MGAT4A: variants seen among roughly 807,000 people sequenced by gnomAD.
The protein encoded by MGAT4A is alpha-1,3-mannosyl-glycoprotein 4-beta-N-acetylglucosaminyltransferase A.
MGAT4A carries 33 observed loss-of-function variants against 74.1 expected under a neutral mutation model. The ratio of observed to expected loss-of-function variants is 0.45; its 90% confidence interval spans 0.34 to 0.60. The LOEUF (loss-of-function observed/expected upper bound fraction) is 0.60, where lower values mean the gene tolerates loss of function less well. Among genes scored for constraint, MGAT4A ranks in the 20% least tolerant of loss-of-function variants. The pLI, the probability that MGAT4A is intolerant of heterozygous loss-of-function variation, is 0.02. For missense variants in MGAT4A, 479 were observed against 628.3 expected, an observed-to-expected ratio of 0.76 and a Z score of 2.54; for synonymous variants, 198 against 210.4, an observed-to-expected ratio of 0.94 and a Z score of 0.51.
At chr2:98,651,001 G>A (rs1701569749) in intron 8 of MGAT4A, among the ~76,000 whole-genome samples, 1 of 151,816 alleles carries the variant, frequency 6.6e-6, no homozygotes, top group Admixed American at 6.6e-5. Flanking sequence ...CAAGGTGGAG[G>A]TTGCAGTGAG....
intron 2 of MGAT4A, among the ~76,000 whole-genome samples, chr2:98,687,981 G>A (rs1366761468): frequency 6.6e-6 from 1 of 152,130 alleles, no homozygotes; most frequent in Non-Finnish European, 1.5e-5. Flanking sequence ...GTGAGAATGT[G>A]AGCTACAGCC....
At chr2:98,626,540 C>T (rs889249687) in intron 14 of MGAT4A, among the ~76,000 whole-genome samples, 11 of 152,044 alleles carry the variant, frequency 7.2e-5, no homozygotes, top group Non-Finnish European at 1.3e-4. Flanking sequence ...TTTCTTTAAG[C>T]CAAGGTTGGT....
chr2:98,672,535 C>T lies in MGAT4A; in HGVS notation c.403+2500G>A, dbSNP rs187382524. On this transcript the variant is annotated intron_variant, in intron 4 of 15. Transcript: ENST00000393487. ...CCCTCTTGCTCTACCCTGAATGGGC[C>T]CTTTAACCTGAAAACCTGAAGGTTT... Among the ~76,000 whole-genome samples, 645 of 152,256 alleles carry T rather than the reference C, an allele frequency of 4.2e-3. 2 individuals carry two copies. Among genetic ancestry groups the T allele is most frequent in the South Asian group, 0.011 (52 of 4,816 alleles).
chr2:98,683,020 G>A lies in MGAT4A; in HGVS notation c.95-4549C>T, dbSNP rs141662142. On this transcript the variant is annotated intron_variant, in intron 2 of 15. Coordinates refer to ENST00000393487, the MANE Select transcript of MGAT4A (RefSeq NM_012214.3). The stretch of plus-strand genomic sequence containing the variant: ...GGAGAATGGCGTGAACCCAGGAGGC[G>A]GAGGTTGCAGTGAGCCGAGATCGCG... 2.4e-3 allele frequency among the ~76,000 whole-genome samples: 367 copies of A among 151,946 alleles called. 2 individuals are homozygous for A. Among genetic ancestry groups the A allele is most frequent in the African/African-American group, 8.5e-3 (353 of 41,430 alleles).
intron 8 of MGAT4A, among the ~76,000 whole-genome samples, chr2:98,652,327 ATTTTT>A (rs70940120): frequency 3.2e-5 from 4 of 123,390 alleles, no homozygotes; most frequent in Non-Finnish European, 1.6e-5. Flanking sequence ...TATCTCAACA[ATTTTT>A]TTTTTTTTTT....
At chr2:98,687,031 T>A (rs900896998) in intron 2 of MGAT4A, among the ~76,000 whole-genome samples, 1 of 152,234 alleles carries the variant, frequency 6.6e-6, no homozygotes, top group Non-Finnish European at 1.5e-5. Flanking sequence ...CCTGACTTTT[T>A]AAAATTCAAC....
chr2:98,716,909 A>T (rs1207490484), intron 2 of MGAT4A, among the ~76,000 whole-genome samples: 1 of 152,226 alleles, frequency 6.6e-6, no homozygotes, highest in Non-Finnish European at 1.5e-5. Flanking sequence ...ATGACCAAAA[A>T]AAACCAGTTT....
Position 98,726,260 on chromosome 2 carries a change from T to C in MGAT4A, c.73A>G (p.Thr25Ala), listed in dbSNP as rs772691850. ...ITSFLTLSWY[T>A]TWQNGKEKLI... ...TTACCTTTCCCATTTTGCCATGTAG[T>C]ATACCAAGACAAAGTAAGGAAGGAA... The change falls in exon 2 of 16, where the codon ACT becomes GCT. Residue 25 changes from threonine (T) to alanine (A), a missense_variant. By Grantham distance (58) the Thr-to-Ala change is moderately conservative (BLOSUM62 0). Coordinates refer to ENST00000393487, the MANE Select transcript of MGAT4A (RefSeq NM_012214.3). 5 of 1,613,922 alleles carry C rather than the reference T, an allele frequency of 3.1e-6. No individual in the cohort carries two copies. Among genetic ancestry groups the C allele is most frequent in the Non-Finnish European group, 4.2e-6 (5 of 1,179,814 alleles).
rs189606009 is a variant in MGAT4A at position 98,689,776 on chromosome 2, T to A, written c.95-11305A>T. On this transcript the variant is annotated intron_variant, in intron 2 of 15. Transcript: ENST00000393487. ...AGGCAGAGGTTGCAGTGAACTGAGTTTGTGCCAGTGCACTCCAGCCTGGGC... is the reference window on the plus strand; with the variant it reads ...AGGCAGAGGTTGCAGTGAACTGAGTATGTGCCAGTGCACTCCAGCCTGGGC... 1.8e-3 allele frequency among the ~76,000 whole-genome samples: 272 copies of A among 152,232 alleles called. 1 individual carries two copies. The highest frequency in any genetic ancestry group is 1.4e-3 in the Non-Finnish European group (98 of 67,996).
intron 4 of MGAT4A, among the ~76,000 whole-genome samples, chr2:98,669,483 A>G (rs775862209): frequency 4.6e-5 from 7 of 152,180 alleles, no homozygotes; most frequent in Non-Finnish European, 1.0e-4. Flanking sequence ...TAAATTGCCC[A>G]GTCTCAGTAT....
intron 12 of MGAT4A, among the ~76,000 whole-genome samples, chr2:98,637,855 C>G (rs1245565449): frequency 1.3e-5 from 2 of 152,188 alleles, no homozygotes; most frequent in Admixed American, 1.3e-4. Context: ...CCCGCACATT[C>G]AAAATGCTCA....
At chr2:98,720,373 T>C (rs1474137198) in intron 2 of MGAT4A, among the ~76,000 whole-genome samples, 1 of 152,182 alleles carries the variant, frequency 6.6e-6, no homozygotes, top group Non-Finnish European at 1.5e-5. Context: ...AAGGGCAACT[T>C]TGTTTCTGGT....
intron 8 of MGAT4A, among the ~76,000 whole-genome samples, chr2:98,647,753 CG>C (rs1311551252): frequency 6.6e-6 from 1 of 152,222 alleles, no homozygotes; most frequent in Non-Finnish European, 1.5e-5. Context: ...TTTATGAAAC[CG>C]TATGATGCTG....
Position 98,622,061 on chromosome 2 carries a change from T to C in MGAT4A, c.*3505A>G, listed in dbSNP as rs954129303. ...ATGGTACAGCGCGTGATGTGGAGAA[T>C]GCATGAGACTAAGATAAAGAACTTA... is the stretch of plus-strand genomic sequence containing the variant. On this transcript the variant is annotated 3_prime_UTR_variant, in exon 16 of 16. Coordinates refer to ENST00000393487, the MANE Select transcript of MGAT4A (RefSeq NM_012214.3). 3 of 985,384 alleles carry C rather than the reference T, an allele frequency of 3.0e-6. No individual in the cohort carries two copies. Among genetic ancestry groups the C allele is most frequent in the Admixed American group, 6.1e-5 (1 of 16,274 alleles). 61.0% of individuals were successfully genotyped at this position (985,384 alleles called of 1,614,324 possible).
chr2:98,627,475 A>G (rs2104211760), intron 14 of MGAT4A, among the ~76,000 whole-genome samples: 1 of 152,316 alleles, frequency 6.6e-6, no homozygotes, highest in Middle Eastern at 3.4e-3. Context: ...TCCCAGGTTC[A>G]AATGATCCTC....
chr2:98,687,573 A>G (rs1702146236), intron 2 of MGAT4A, among the ~76,000 whole-genome samples: 2 of 152,234 alleles, frequency 1.3e-5, no homozygotes, highest in South Asian at 4.1e-4. Context: ...TTCTTCTGCA[A>G]AGTCCTTTTC....
rs1701774387 is a variant in MGAT4A at position 98,663,080 on chromosome 2, T to C, written c.503A>G (p.Lys168Arg). 1.9e-6 allele frequency: 3 copies of C among 1,591,962 alleles called. No homozygotes were observed. The highest frequency in any genetic ancestry group is 1.1e-5 in the South Asian group (1 of 87,288). The stretch of plus-strand genomic sequence containing the variant: ...GAAGACTACTATAACACAGTCCAAC[T>C]TCTCTTCAGGATACAGGTTATCAAT... ...SLIDNLYPEE[K>R]LDCVIVVFIG... The change falls in exon 5 of 16, where the codon AAG (lysine) becomes AGG (arginine). Residue 168 changes from lysine (K) to arginine (R), a missense_variant. This residue lies in a region of MGAT4A where 205 missense variants were observed against 232.7 expected (regional missense o/e 0.88). Coordinates refer to ENST00000393487, the MANE Select transcript of MGAT4A (RefSeq NM_012214.3).
At chr2:98,676,036 T>C (rs1011303176) in intron 3 of MGAT4A, among the ~76,000 whole-genome samples, 1 of 152,224 alleles carries the variant, frequency 6.6e-6, no homozygotes, top group African/African-American at 2.4e-5. Flanking sequence ...TCTGTTTTTA[T>C]TAGAGGAACC....
chr2:98,713,959 A>G (rs1247972811), intron 2 of MGAT4A, among the ~76,000 whole-genome samples: 6 of 152,272 alleles, frequency 3.9e-5, no homozygotes, highest in Non-Finnish European at 5.9e-5. Context: ...GACTAAATAC[A>G]AAAAGAACTG....
Sources: gnomAD v4.1 joint callset for allele counts (sites outside exome capture counted in the v4.1 genomes callset) on GRCh38, gnomAD v4.1.1 for gene constraint, gnomAD v4.1.1 regional missense constraint, MANE v1.5 for transcripts, NCBI Gene and HGNC (gene_info 2026-07-23, HGNC 2026-07-21) for gene names.